Variants in TJP3 observed in about 807,000 individuals in gnomAD.
TJP3 encodes the protein tight junction protein 3.
TJP3 carries 85 observed loss-of-function variants against 104.2 expected under a neutral mutation model. The observed-to-expected ratio is 0.82, with a 90% CI of 0.68 to 0.98. The LOEUF is 0.98. Among genes scored for constraint, TJP3 ranks in the 50% least tolerant of loss-of-function variants. TJP3 has a pLI of 0.00. For missense variants in TJP3, 1,367 were observed against 1,322.8 expected, an observed-to-expected ratio of 1.03 and a Z score of -0.52; for synonymous variants, 550 against 550.6, an observed-to-expected ratio of 1.00 and a Z score of 0.02.
chr19:3,715,429 G>A (rs371849882), intron 1 of TJP3, among the ~76,000 whole-genome samples: 4 of 152,006 alleles, frequency 2.6e-5, no homozygotes, highest in African/African-American at 9.7e-5. Flanking sequence ...CCGAAGGTCA[G>A]GGGTGGTGGG....
At chr19:3,728,764 G>C in intron 3 of TJP3, 51 bp downstream of exon 3, 1 of 1,586,282 alleles carries the variant, frequency 6.3e-7, no homozygotes, top group East Asian at 2.3e-5. Flanking sequence ...GTGGAGAGGA[G>C]AAACCAGGCC....
At chr19:3,719,127 T>C (rs2036518804) in intron 1 of TJP3, among the ~76,000 whole-genome samples, 1 of 152,000 alleles carries the variant, frequency 6.6e-6, no homozygotes, top group Non-Finnish European at 1.5e-5. Flanking sequence ...GAGCTTGCAG[T>C]GAGCCGAGAC....
In TJP3 at chr19:3,743,982, C is replaced by T; in HGVS notation, c.1887C>T (p.Asp629=). 1 of 1,614,158 alleles carries T rather than the reference C, an allele frequency of 6.2e-7. No individual in the cohort carries two copies. Among genetic ancestry groups the T allele is most frequent in the Non-Finnish European group, 8.5e-7 (1 of 1,180,032 alleles). Residue 629 remains aspartate, a synonymous_variant, in exon 15 of 21, where the codon GAC becomes GAT. Transcript: ENST00000541714. ...TAGTGATCCTGGGACCCGTGGCCGACATTGCTATGCAGAAGTTGACTGCTG... is the reference window on the plus strand; with the variant it reads ...TAGTGATCCTGGGACCCGTGGCCGATATTGCTATGCAGAAGTTGACTGCTG... ...RPVVILGPVA[D]IAMQKLTAEM... is the part of the protein sequence containing the mutation.
intron 1 of TJP3, among the ~76,000 whole-genome samples, chr19:3,715,112 T>C (rs2036465146): frequency 6.7e-6 from 1 of 148,960 alleles, no homozygotes; most frequent in African/African-American, 2.5e-5. Flanking sequence ...TTTTTTGAGA[T>C]GGAGTCTCGC....
At chr19:3,711,460 A>C (rs1307254545) in intron 1 of TJP3, among the ~76,000 whole-genome samples, 1 of 151,496 alleles carries the variant, frequency 6.6e-6, no homozygotes, top group African/African-American at 2.4e-5. Context: ...CGGCCTCCCA[A>C]AGTGCTGGGA....
chr19:3,718,440 T>C (rs929086074), intron 1 of TJP3, among the ~76,000 whole-genome samples: 4 of 149,830 alleles, frequency 2.7e-5, no homozygotes, highest in African/African-American at 9.8e-5. Flanking sequence ...GAATGCAGCA[T>C]TTTCTTTTCT....
Position 3,730,821 on chromosome 19 carries a change from C to A in TJP3, c.613+115C>A. On this transcript the variant is annotated intron_variant, in intron 5 of 20. Transcript: ENST00000541714. This position sits in a 1 kb window ranked among gnomAD's most constrained non-coding sequence, Gnocchi z 7.3. ...TCAGCCTCCCTGGTGGCTGGGACTC[C>A]AGGCGCCCGCCACCATGCCTGGCTA... 1 of 1,132,044 alleles carries A rather than the reference C, an allele frequency of 8.8e-7. No homozygotes were observed. The allele number at this position is 1,132,044 out of a possible 1,614,324, so 70.1% of individuals were successfully genotyped here. A position where few individuals can be genotyped will look rare whatever the true frequency, so the allele number is the denominator to read the frequency against.
intron 14 of TJP3, among the ~76,000 whole-genome samples, chr19:3,742,366 G>A (rs947790516): frequency 9.9e-5 from 15 of 152,008 alleles, no homozygotes; most frequent in South Asian, 2.1e-4. Flanking sequence ...CCAGGAGGTC[G>A]AGGCTGCGGA....
chr19:3,736,291 G>A lies in TJP3; in HGVS notation c.1254G>A (p.Gln418=). The change falls in exon 11 of 21, where the codon CAG becomes CAA. Residue 418 remains glutamine, a synonymous_variant. Transcript: ENST00000541714. The part of the protein sequence containing the change: ...GVQAGSPADG[Q]GIQEGDQILQ... ...AGGCGGGCAGCCCGGCCGACGGGCAGGGCATCCAGGAGGGAGATCAGATTC... is the reference window on the plus strand; with the variant it reads ...AGGCGGGCAGCCCGGCCGACGGGCAAGGCATCCAGGAGGGAGATCAGATTC... 1 of 1,538,362 alleles carries A rather than the reference G, an allele frequency of 6.5e-7. No homozygotes were observed. The highest frequency in any genetic ancestry group is 8.7e-7 in the Non-Finnish European group (1 of 1,145,158).
At chr19:3,738,221 C>G (rs929817865) in intron 11 of TJP3, among the ~76,000 whole-genome samples, 3 of 152,202 alleles carry the variant, frequency 2.0e-5, no homozygotes, top group Admixed American at 2.0e-4. Context: ...GCATTTCACA[C>G]AGTTTCCATC....
Position 3,744,028 on chromosome 19 carries a change from A to T in TJP3, c.1933A>T (p.Ile645Phe), listed in dbSNP as rs775477586. ...TGCTGAGATGCCTGACCAGTTTGAA[A>T]TCGCAGGTGAGAAGCCAGATCCTCT... is the stretch of plus-strand genomic sequence containing the variant. ...LTAEMPDQFE[I>F]AETVSRTDSP... Residue 645 changes from isoleucine to phenylalanine, a missense_variant, in exon 15 of 21, where the codon ATC becomes TTC. Physicochemically the swap from Ile to Phe is conservative, Grantham distance 21. Transcript: ENST00000541714. 3 of 1,613,884 alleles carry T rather than the reference A, an allele frequency of 1.9e-6. No individual in the cohort carries two copies. Among genetic ancestry groups the T allele is most frequent in the Non-Finnish European group, 2.5e-6 (3 of 1,179,952 alleles).
At chr19:3,710,646 T>C (rs1301847973) in intron 1 of TJP3, among the ~76,000 whole-genome samples, 2 of 151,896 alleles carry the variant, frequency 1.3e-5, no homozygotes, top group Admixed American at 6.6e-5. Context: ...TTGGAATGGA[T>C]TGAGGTTAGC....
chr19:3,731,872 G>A lies in TJP3; in HGVS notation c.614-63G>A, dbSNP rs747038111. ...CCCGCACCTGGACTGCTTACAGCAG[G>A]AGAATGCTCCCAGGCACCCGTCTCC... On this transcript the variant is annotated intron_variant, in intron 5 of 20. Transcript: ENST00000541714. 537 of 1,432,152 alleles carry A rather than the reference G, an allele frequency of 3.7e-4. 1 individual carries two copies. The highest frequency in any genetic ancestry group is 4.9e-4 in the Non-Finnish European group (510 of 1,032,130). 88.7% of individuals were successfully genotyped at this position (1,432,152 alleles called of 1,614,324 possible).
rs574757144 is a variant in TJP3, at chr19:3,739,566, C to G, written c.1631+432C>G. Among the ~76,000 whole-genome samples, 3 of 152,320 alleles carry G rather than the reference C, an allele frequency of 2.0e-5. No individual in the cohort carries two copies. The East Asian group carries it at 5.8e-4, about 29-fold the overall frequency. ...AATCTGAGGAGGTCCACAAAAGGCTCTGGGCGGGCCCCATTTGGTGCTGGT... is the reference window on the plus strand; with the variant it reads ...AATCTGAGGAGGTCCACAAAAGGCTGTGGGCGGGCCCCATTTGGTGCTGGT... On this transcript the variant is annotated intron_variant, in intron 13 of 20. Coordinates refer to ENST00000541714, the MANE Select transcript of TJP3 (RefSeq NM_001267560.2).
rs139712661 is a variant in TJP3 at position 3,733,850 on chromosome 19, G to A, written c.815G>A (p.Arg272His). ...CTAAGCCTGCTGGTGCTGAGAGATC[G>A]TGGGCAGTTCCTGGTGAACATTCCG... ...GKLSLLVLRD[R>H]GQFLVNIPPA... The change falls in exon 7 of 21, where the codon CGT becomes CAT. Residue 272 changes from arginine to histidine, a missense_variant. Arg to His is a conservative substitution (Grantham distance 29). Coordinates refer to ENST00000541714, the MANE Select transcript of TJP3 (RefSeq NM_001267560.2). 1.6e-4 allele frequency: 254 copies of A among 1,614,234 alleles called. 2 individuals carry two copies. Among genetic ancestry groups the A allele is most frequent in the South Asian group, 4.4e-4 (40 of 91,090 alleles).
chr19:3,717,096 G>A (rs755785075), intron 1 of TJP3, among the ~76,000 whole-genome samples: 1 of 145,958 alleles, frequency 6.9e-6, no homozygotes, highest in Non-Finnish European at 1.5e-5. Context: ...CTCTCTAGTA[G>A]CTGGGATTAC....
rs75442036 is a variant in TJP3, at chr19:3,749,790, C to G, written c.2611-348C>G. ...TTAGAGTGATTTTCCTGGGGTTGTG[C>G]AGTACCCAACCTGCTCAACTGTCCA... On this transcript the variant is annotated intron_variant, in intron 19 of 20. Transcript: ENST00000541714. 389 of 334,120 alleles carry G rather than the reference C, an allele frequency of 1.2e-3. 2 individuals carry two copies. Among genetic ancestry groups the G allele is most frequent in the African/African-American group, 7.7e-3 (365 of 47,504 alleles). 20.7% of individuals were successfully genotyped at this position (334,120 alleles called of 1,614,324 possible).
Position 3,738,648 on chromosome 19 carries a change from C to G in TJP3, c.1378C>G (p.Gln460Glu), listed in dbSNP as rs2036770276. 1 of 1,613,488 alleles carries G rather than the reference C, an allele frequency of 6.2e-7. No individual in the cohort carries two copies. The highest frequency in any genetic ancestry group is 1.3e-5 in the African/African-American group (1 of 74,930). ...PPGEEMELVT[Q>E]RKQDIFWKMV... is the part of the protein sequence containing the mutation. ...AGGCGAGGAGATGGAGCTGGTGACG[C>G]AGAGGAAGCAGGACAGTGAGTGCGC... Residue 460 changes from glutamine to glutamate, a missense_variant, in exon 12 of 21, where the codon CAG (glutamine) becomes GAG (glutamate). Transcript: ENST00000541714.
intron 19 of TJP3, among the ~76,000 whole-genome samples, chr19:3,748,623 C>T (rs1381923274): frequency 2.2e-5 from 3 of 137,032 alleles, no homozygotes; most frequent in Admixed American, 7.9e-5. Flanking sequence ...GGCTGGAGTG[C>T]GATGGCGTGA....
Sources: allele counts gnomAD v4.1 joint callset (sites outside exome capture counted in the v4.1 genomes callset), GRCh38; gene constraint gnomAD v4.1.1; non-coding constraint Gnocchi (gnomAD v3.1); transcripts MANE v1.5; gene names NCBI Gene and HGNC (gene_info 2026-07-23, HGNC 2026-07-21).